Variants in PTTG1IP observed in about 807,000 individuals in gnomAD.
PTTG1IP encodes PTTG1 interacting protein.
Under a neutral mutation model 24.4 loss-of-function variants are expected in PTTG1IP, and 16 were observed. That is an observed-to-expected ratio of 0.66 (90% CI 0.44 to 1.00). The LOEUF (loss-of-function observed/expected upper bound fraction) is 1.00. PTTG1IP is among the 50% of genes least tolerant of loss of function. The pLI is 0.00. For synonymous variants in PTTG1IP, 89 were observed against 96.8 expected, an observed-to-expected ratio of 0.92 and a Z score of 0.47; for missense variants, 241 against 245.8, an observed-to-expected ratio of 0.98 and a Z score of 0.13.
chr21:44,856,082 T>C, intron 4 of PTTG1IP, 111 bp downstream of exon 4: 1 of 1,599,256 alleles, frequency 6.3e-7, no homozygotes, highest in Non-Finnish European at 8.5e-7. Flanking sequence ...TACACATTCT[T>C]AATTTCTAAA....
chr21:44,870,044 G>A (rs1338161638), intron 1 of PTTG1IP, among the ~76,000 whole-genome samples: 1 of 152,202 alleles, frequency 6.6e-6, no homozygotes, highest in African/African-American at 2.4e-5. Context: ...TGGATTACCG[G>A]TCAGTCTGAG....
intron 2 of PTTG1IP, among the ~76,000 whole-genome samples, chr21:44,863,560 T>C (rs1043564836): frequency 1.3e-5 from 2 of 152,184 alleles, no homozygotes; most frequent in East Asian, 3.8e-4. Context: ...ATCCACGAGA[T>C]GGCTGTCATC....
At chr21:44,872,274 A>G (rs1047456951) in intron 1 of PTTG1IP, among the ~76,000 whole-genome samples, 13 of 152,216 alleles carry the variant, frequency 8.5e-5, no homozygotes, top group African/African-American at 2.9e-4. Context: ...CTGCATTGCT[A>G]ACGTCACAAA....
chr21:44,868,208 G>A (rs1335667690), intron 1 of PTTG1IP, among the ~76,000 whole-genome samples: 2 of 152,216 alleles, frequency 1.3e-5, no homozygotes, highest in African/African-American at 4.8e-5. Context: ...CAGCACTGCT[G>A]ACGTTCCCAA....
intron 1 of PTTG1IP, among the ~76,000 whole-genome samples, chr21:44,868,679 A>G (rs2083561828): frequency 6.6e-6 from 1 of 152,262 alleles, no homozygotes; most frequent in South Asian, 2.1e-4. Context: ...CATGAAATAA[A>G]GAGAAGGCCG....
At chr21:44,867,870 A>C (rs1248634015) in intron 1 of PTTG1IP, among the ~76,000 whole-genome samples, 1 of 152,266 alleles carries the variant, frequency 6.6e-6, no homozygotes, top group Non-Finnish European at 1.5e-5. Flanking sequence ...AAAAGGGACA[A>C]ATAATACATC....
At chr21:44,853,692 C>T (rs984222771) in intron 5 of PTTG1IP, among the ~76,000 whole-genome samples, 3 of 151,860 alleles carry the variant, frequency 2.0e-5, no homozygotes, top group African/African-American at 7.3e-5. Flanking sequence ...CACGCAGGTA[C>T]CCGGTCACCA....
chr21:44,865,468 A>G (rs375748561), intron 1 of PTTG1IP, 21 bp from the exon 2 acceptor site: 4 of 1,613,526 alleles, frequency 2.5e-6, no homozygotes, highest in Non-Finnish European at 2.5e-6. Flanking sequence ...GAGGCAAGAG[A>G]CAAGTCAGTC....
At chr21:44,871,708 A>C (rs2083587262) in intron 1 of PTTG1IP, among the ~76,000 whole-genome samples, 1 of 152,252 alleles carries the variant, frequency 6.6e-6, no homozygotes, top group South Asian at 2.1e-4. Context: ...GGAAGAGGGG[A>C]GTTCTCCAGG....
chr21:44,863,269 GCAACACA>G lies in PTTG1IP; in HGVS notation c.169-2005_169-1999del, dbSNP rs1397856663. 1.3e-4 allele frequency among the ~76,000 whole-genome samples: 14 copies of G among 106,970 alleles called. 6 individuals carry two copies. Among genetic ancestry groups the G allele is most frequent in the African/African-American group, 5.3e-4 (13 of 24,502 alleles). The allele number at this position is 106,970 out of a possible 152,430, so 70.2% of individuals were successfully genotyped here. On this transcript the variant is annotated intron_variant, in intron 2 of 5. Coordinates refer to ENST00000330938, the MANE Select transcript of PTTG1IP (RefSeq NM_004339.4). ...AGAGACACAGCCCGCCACGGCCTCG[GCAACACA>G]GAGACACACAGCCCGCCACGGCCTC...
intron 1 of PTTG1IP, among the ~76,000 whole-genome samples, chr21:44,869,689 C>G (rs2083569024): frequency 6.6e-6 from 1 of 152,124 alleles, no homozygotes; most frequent in African/African-American, 2.4e-5. Context: ...GCAAACAGAG[C>G]CAATGTTGAG....
intron 1 of PTTG1IP, among the ~76,000 whole-genome samples, chr21:44,869,440 A>G (rs2083567202): frequency 6.6e-6 from 1 of 152,204 alleles, no homozygotes; most frequent in Non-Finnish European, 1.5e-5. Context: ...CAGGCAACAC[A>G]ATTATGATTG....
chr21:44,851,552 A>C lies in PTTG1IP; in HGVS notation c.*29T>G. 6.2e-7 allele frequency: 1 copy of C among 1,613,264 alleles called. No individual in the cohort carries two copies. The highest frequency in any genetic ancestry group is 8.5e-7 in the Non-Finnish European group (1 of 1,179,204). On this transcript the variant is annotated 3_prime_UTR_variant, in exon 6 of 6. Transcript: ENST00000330938. ...GGCTGCGGAGCGTGCACCTCACAGG[A>C]AGCGTCGGGACTGATGTGCTGGAGC... is the stretch of plus-strand genomic sequence containing the variant.
At chr21:44,863,047 G>A (rs1017435677) in intron 2 of PTTG1IP, among the ~76,000 whole-genome samples, 4 of 151,102 alleles carry the variant, frequency 2.6e-5, no homozygotes, top group Non-Finnish European at 5.9e-5. Flanking sequence ...AAGCAGCTCA[G>A]GCAGCAGCAC....
At chr21:44,867,785 T>C (rs1050987496) in intron 1 of PTTG1IP, among the ~76,000 whole-genome samples, 3 of 152,196 alleles carry the variant, frequency 2.0e-5, no homozygotes, top group African/African-American at 7.2e-5. Flanking sequence ...TTGCTGTCCA[T>C]GTGAAGAGCT....
At chr21:44,864,585 G>C (rs953436228) in intron 2 of PTTG1IP, among the ~76,000 whole-genome samples, 10 of 152,314 alleles carry the variant, frequency 6.6e-5, no homozygotes, top group Admixed American at 5.9e-4. Context: ...TTTTAGTAGA[G>C]ACGGGGTTTC....
At position 44,861,288 on chromosome 21, in the gene PTTG1IP, T is replaced by C. The variant is rs755774187; in HGVS notation, c.169-17A>G. On this transcript the variant is annotated splice_polypyrimidine_tract_variant and intron_variant, in intron 2 of 5. Coordinates refer to ENST00000330938, the MANE Select transcript of PTTG1IP (RefSeq NM_004339.4). ...CCAAAGACACTGAAAGAGACCAACATTAAGCAAGCATTAGAAACAACAGAA... is the reference window on the plus strand; with the variant it reads ...CCAAAGACACTGAAAGAGACCAACACTAAGCAAGCATTAGAAACAACAGAA... 3 of 1,591,796 alleles carry C rather than the reference T, an allele frequency of 1.9e-6. No homozygotes were observed. Among genetic ancestry groups the C allele is most frequent in the African/African-American group, 1.3e-5 (1 of 74,160 alleles).
intron 2 of PTTG1IP, among the ~76,000 whole-genome samples, chr21:44,864,672 CAGGCGTG>C (rs1434275712): frequency 1.3e-5 from 2 of 152,236 alleles, no homozygotes; most frequent in Non-Finnish European, 2.9e-5. Flanking sequence ...GCTGGGATTA[CAGGCGTG>C]AGCCACTGCA....
Position 44,852,518 on chromosome 21 carries a change from T to G in PTTG1IP, c.497-891A>C, listed in dbSNP as rs377406426. On this transcript the variant is annotated intron_variant, in intron 5 of 5. Transcript: ENST00000330938. The stretch of plus-strand genomic sequence containing the variant: ...TAACAATCTGTATTGTACACTAAAA[T>G]TATCTGCAGCGATTACAACAAAGCT... Among the ~76,000 whole-genome samples the G allele has an allele frequency of 4.6e-5, 7 of 152,146 alleles. No individual in the cohort carries two copies. The South Asian group carries it at 6.2e-4, about 14-fold the overall frequency.
Sources: allele counts gnomAD v4.1 joint callset (sites outside exome capture counted in the v4.1 genomes callset), GRCh38; gene constraint gnomAD v4.1.1; transcripts MANE v1.5; gene names NCBI Gene and HGNC (gene_info 2026-07-23, HGNC 2026-07-21).